Variants in FAM180B observed in about 807,000 individuals in gnomAD.
The protein encoded by FAM180B is protein FAM180B.
Under a neutral mutation model 13.6 loss-of-function variants are expected in FAM180B, and 14 were observed. The observed-to-expected ratio is 1.03, with a 90% confidence interval of 0.68 to 1.60. The LOEUF (loss-of-function observed/expected upper bound fraction) is 1.60. Ranked by LOEUF, FAM180B falls within the 40% of genes most tolerant of loss-of-function variation. The pLI is 0.00. For synonymous variants in FAM180B, 109 were observed against 97.0 expected, an observed-to-expected ratio of 1.12 and a Z score of -0.72; for missense variants, 212 against 230.4, an observed-to-expected ratio of 0.92 and a Z score of 0.52.
intron 1 of FAM180B, 88 bp downstream of exon 1, chr11:47,586,941 T>C (rs2097271912): frequency 3.4e-6 from 3 of 891,678 alleles, no homozygotes; most frequent in South Asian, 2.9e-5. Flanking sequence ...TAGTCGGGCA[T>C]AGAAGCGTGG....
chr11:47,588,021 A>G lies in FAM180B; in HGVS notation c.157-18A>G. ...CTCCCCAGGCCACAGCCCACCCCTT[A>G]CATGGCTCCCCTTGCAGCTGCTCTG... On this transcript the variant is annotated intron_variant, in intron 2 of 2. Coordinates refer to ENST00000538490, the MANE Select transcript of FAM180B (RefSeq NM_001164379.3). 1 of 1,518,016 alleles carries G rather than the reference A, an allele frequency of 6.6e-7. No individual in the cohort carries two copies. The highest frequency in any genetic ancestry group is 8.8e-7 in the Non-Finnish European group (1 of 1,136,742). The allele number at this position is 1,518,016 out of a possible 1,614,324, so 94.0% of individuals were successfully genotyped here.
Position 47,588,317 on chromosome 11 carries a change from C to A in FAM180B, c.435C>A (p.Ala145=). 6.5e-7 allele frequency: 1 copy of A among 1,537,130 alleles called. No individual in the cohort carries two copies. The highest frequency in any genetic ancestry group is 2.0e-5 in the Admixed American group (1 of 50,974). Residue 145 remains alanine (A), a synonymous_variant, in exon 3 of 3, where the codon GCC becomes GCA. Coordinates refer to ENST00000538490, the MANE Select transcript of FAM180B (RefSeq NM_001164379.3). The stretch of plus-strand genomic sequence containing the variant: ...AGGCTGAGGAACGGGGCCGCTGGGC[C>A]CAGGTCTTCGCTCTCCTGGCACAGG... ...ASEAEERGRW[A]QVFALLAQET...
In FAM180B at chr11:47,586,782, T is replaced by G. The variant is rs976422450; in HGVS notation, c.14T>G (p.Leu5Arg). Reference sequence around the variant, plus strand: ...ACGTGGTTGAGCATGGCTGCGACCCTGCAGTTCCTGGTTTGCCTGGTGGTA... The same window carrying G: ...ACGTGGTTGAGCATGGCTGCGACCCGGCAGTTCCTGGTTTGCCTGGTGGTA... MAAT[L>R]QFLVCLVVAI... is the part of the protein sequence containing the mutation. The change falls in exon 1 of 3, where the codon CTG becomes CGG. Residue 5 changes from leucine (L) to arginine (R), a missense_variant. By Grantham distance (102) the Leu-to-Arg change is moderately radical (BLOSUM62 -2). Coordinates refer to ENST00000538490, the MANE Select transcript of FAM180B (RefSeq NM_001164379.3). 6 of 1,537,020 alleles carry G rather than the reference T, an allele frequency of 3.9e-6. No individual in the cohort carries two copies. The African/African-American group carries it at 6.8e-5, about 18-fold the overall frequency.
At position 47,586,745 on chromosome 11, in the gene FAM180B, G is replaced by A; in HGVS notation, c.-24G>A. On this transcript the variant is annotated 5_prime_UTR_variant, in exon 1 of 3. Transcript: ENST00000538490. ...GGAGCAGAGAACTGCTGAACAGAGT[G>A]AGACTCAGAGGACGTGGTTGAGCAT... 6.6e-6 allele frequency: 10 copies of A among 1,526,060 alleles called. No homozygotes were observed. Among genetic ancestry groups the A allele is most frequent in the African/African-American group, 1.4e-5 (1 of 72,968 alleles). 94.5% of individuals were successfully genotyped at this position (1,526,060 alleles called of 1,614,324 possible).
At chr11:47,586,675 C>G, upstream of FAM180B, 1 of 896,780 alleles carries the variant, frequency 1.1e-6, no homozygotes. Flanking sequence ...TCTGGAGCAG[C>G]CCGCAGTGGA....
chr11:47,588,281 C>T lies in FAM180B; in HGVS notation c.399C>T (p.His133=), dbSNP rs772713757. 36 of 1,537,150 alleles carry T rather than the reference C, an allele frequency of 2.3e-5. No homozygotes were observed. The East Asian group carries it at 6.8e-4, about 29-fold the overall frequency. ...LTGLSCVYRL[H]AASEAEERGR... is the part of the protein sequence containing the mutation. ...GCCTGTCCTGCGTCTACCGGCTCCACGCAGCTAGTGAGGCTGAGGAACGGG... is the reference window on the plus strand; with the variant it reads ...GCCTGTCCTGCGTCTACCGGCTCCATGCAGCTAGTGAGGCTGAGGAACGGG... The change falls in exon 3 of 3, where the codon CAC becomes CAT. Residue 133 remains histidine, a synonymous_variant. Coordinates refer to ENST00000538490, the MANE Select transcript of FAM180B (RefSeq NM_001164379.3).
chr11:47,587,425 A>G (rs924682024), intron 1 of FAM180B, among the ~76,000 whole-genome samples: 1 of 152,160 alleles, frequency 6.6e-6, no homozygotes, highest in East Asian at 1.9e-4. Context: ...GAGGGTGGGG[A>G]AGGGTCTTGT....
rs573570886 is a variant in FAM180B at position 47,586,933 on chromosome 11, G to C, written c.85+80G>C. The stretch of plus-strand genomic sequence containing the variant: ...TAACAGTTGGCTCTATTTGAGGCTA[G>C]TCGGGCATAGAAGCGTGGGCATGGT... On this transcript the variant is annotated intron_variant, in intron 1 of 2. Transcript: ENST00000538490. 7.7e-5 allele frequency: 75 copies of C among 978,288 alleles called. 1 individual carries two copies. In the African/African-American group the frequency reaches 9.9e-4, roughly 13 times the overall value. 60.6% of individuals were successfully genotyped at this position (978,288 alleles called of 1,614,324 possible).
At position 47,588,119 on chromosome 11, in the gene FAM180B, C is replaced by T. The variant is rs1437045625; in HGVS notation, c.237C>T (p.Gly79=). 8 of 1,537,090 alleles carry T rather than the reference C, an allele frequency of 5.2e-6. No individual in the cohort carries two copies. The East Asian group carries it at 2.0e-4, about 38-fold the overall frequency. Reference sequence around the variant, plus strand: ...AGGAACTAGCGTCCACACACCCAGGCCGCCGACTCAGACTCCTCCTGCAGC... The same window carrying T: ...AGGAACTAGCGTCCACACACCCAGGTCGCCGACTCAGACTCCTCCTGCAGC... ...QDEELASTHP[G]RRLRLLLQHH... The change falls in exon 3 of 3, where the codon GGC becomes GGT. Residue 79 remains glycine, a synonymous_variant. Transcript: ENST00000538490.
At position 47,588,193 on chromosome 11, in the gene FAM180B, T is replaced by C. The variant is rs1460999776; in HGVS notation, c.311T>C (p.Leu104Pro). ...LEGTEQWLQQ[L>P]QDLRKGPPLS... ...GGCACTGAGCAGTGGCTGCAGCAGC[T>C]CCAGGACCTGCGGAAGGGGCCTCCT... The change falls in exon 3 of 3, where the codon CTC becomes CCC. Residue 104 changes from leucine to proline, a missense_variant. Physicochemically the swap from Leu to Pro is moderately conservative, Grantham distance 98 (BLOSUM62 -3). Coordinates refer to ENST00000538490, the MANE Select transcript of FAM180B (RefSeq NM_001164379.3). 2.0e-6 allele frequency: 3 copies of C among 1,537,114 alleles called. No homozygotes were observed. The highest frequency in any genetic ancestry group is 1.4e-5 in the African/African-American group (1 of 73,134).
Position 47,588,543 on chromosome 11 carries a change from C to T in FAM180B, c.*109C>T, listed in dbSNP as rs750889226. 1.4e-4 allele frequency: 85 copies of T among 613,240 alleles called. No homozygotes were observed. The highest frequency in any genetic ancestry group is 2.1e-4 in the Non-Finnish European group (75 of 352,696). 38.0% of individuals were successfully genotyped at this position (613,240 alleles called of 1,614,324 possible). ...CTTCTGTCTGGCATCTGATTCTTTT[C>T]ACCGTGTTCAGATCTCTGGGCTTGG... On this transcript the variant is annotated 3_prime_UTR_variant, in exon 3 of 3. Transcript: ENST00000538490.
Position 47,588,431 on chromosome 11 carries a change from CT to C in FAM180B, c.550del (p.Ter184AspfsTer115). The part of the protein sequence containing the change: ...SWASILDPFP[*>X] The stretch of plus-strand genomic sequence containing the variant: ...GGGCCTCCATCCTTGACCCCTTCCC[CT>C]GACCCTCCTCTTTTGTTCTTTCACC... On this transcript the variant is annotated frameshift_variant and stop_lost, in exon 3 of 3. Coordinates refer to ENST00000538490, the MANE Select transcript of FAM180B (RefSeq NM_001164379.3). LOFTEE classifies it high-confidence loss of function. The C allele has an allele frequency of 6.7e-7, 1 of 1,482,104 alleles. No individual in the cohort carries two copies. Among genetic ancestry groups the C allele is most frequent in the South Asian group, 1.3e-5 (1 of 77,350 alleles). The allele number at this position is 1,482,104 out of a possible 1,614,324, so 91.8% of individuals were successfully genotyped here.
rs1167051904 is a variant in FAM180B, at chr11:47,588,114, C to T, written c.232C>T (p.Pro78Ser). The change falls in exon 3 of 3, where the codon CCA becomes TCA. Residue 78 changes from proline to serine, a missense_variant. Pro to Ser is a moderately conservative substitution (Grantham distance 74). Coordinates refer to ENST00000538490, the MANE Select transcript of FAM180B (RefSeq NM_001164379.3). ...GGATGAGGAACTAGCGTCCACACAC[C>T]CAGGCCGCCGACTCAGACTCCTCCT... ...IQDEELASTHPGRRLRLLLQH... is the reference protein window; with the variant it reads ...IQDEELASTHSGRRLRLLLQH... 24 of 1,537,062 alleles carry T rather than the reference C, an allele frequency of 1.6e-5. No homozygotes were observed. Among genetic ancestry groups the T allele is most frequent in the East Asian group, 2.4e-5 (1 of 40,920 alleles).
chr11:47,588,719 AGTGTGT>A lies in FAM180B; in HGVS notation c.*317_*322del, dbSNP rs58699057. On this transcript the variant is annotated 3_prime_UTR_variant, in exon 3 of 3. Coordinates refer to ENST00000538490, the MANE Select transcript of FAM180B (RefSeq NM_001164379.3). Reference sequence around the variant, plus strand: ...ACGACTTGCAGGCAGTGTGTGTGTGAGTGTGTGTGTGTGTGTGTGTGTGTGTGTGTG... The same window carrying A: ...ACGACTTGCAGGCAGTGTGTGTGTGAGTGTGTGTGTGTGTGTGTGTGTGTG... 0.012 allele frequency: 2,471 copies of A among 213,720 alleles called. 179 individuals carry two copies. Among genetic ancestry groups the A allele is most frequent in the South Asian group, 0.012 (121 of 9,852 alleles). The allele number at this position is 213,720 out of a possible 1,614,324, so 13.2% of individuals were successfully genotyped here.
Position 47,588,511 on chromosome 11 carries a change from G to A in FAM180B, c.*77G>A, listed in dbSNP as rs569599780. 3.4e-5 allele frequency: 23 copies of A among 685,842 alleles called. No individual in the cohort carries two copies. The East Asian group carries it at 5.2e-4, about 16-fold the overall frequency. 42.5% of individuals were successfully genotyped at this position (685,842 alleles called of 1,614,324 possible). On this transcript the variant is annotated 3_prime_UTR_variant, in exon 3 of 3. Transcript: ENST00000538490. The stretch of plus-strand genomic sequence containing the variant: ...AACCCCCCAGGCAGACCCATCTTGC[G>A]CAGGGGCTTCTGTCTGGCATCTGAT...
In FAM180B at chr11:47,588,462, A is replaced by G; in HGVS notation, c.*28A>G. 3 of 1,354,782 alleles carry G rather than the reference A, an allele frequency of 2.2e-6. No homozygotes were observed. Among genetic ancestry groups the G allele is most frequent in the Non-Finnish European group, 3.0e-6 (3 of 1,011,564 alleles). 83.9% of individuals were successfully genotyped at this position (1,354,782 alleles called of 1,614,324 possible). ...CTCCTCTTTTGTTCTTTCACCTGCC[A>G]TTACCCCCTCCCATCTCCTCCTCAA... On this transcript the variant is annotated 3_prime_UTR_variant, in exon 3 of 3. Coordinates refer to ENST00000538490, the MANE Select transcript of FAM180B (RefSeq NM_001164379.3).
chr11:47,587,360 A>C (rs915165627), intron 1 of FAM180B, among the ~76,000 whole-genome samples: 5 of 152,086 alleles, frequency 3.3e-5, no homozygotes, highest in African/African-American at 1.2e-4. Flanking sequence ...TCCTTGGGAG[A>C]GTCACTGGCA....
chr11:47,587,764 C>A lies in FAM180B; in HGVS notation c.99C>A (p.Asp33Glu). Reference protein sequence around the residue: ...TTQPHAGQPMDSTSVGGGLQE... With the variant: ...TTQPHAGQPMESTSVGGGLQE... ...CTGCTGCCCCAGGGCAGCCCATGGA[C>A]AGCACCAGCGTGGGAGGTGGCCTGC... is the stretch of plus-strand genomic sequence containing the variant. The change falls in exon 2 of 3, where the codon GAC becomes GAA. Residue 33 changes from aspartate (D) to glutamate (E), a missense_variant. Asp to Glu is a conservative substitution (Grantham distance 45). Coordinates refer to ENST00000538490, the MANE Select transcript of FAM180B (RefSeq NM_001164379.3). 6.5e-7 allele frequency: 1 copy of A among 1,532,378 alleles called. No individual in the cohort carries two copies. Among genetic ancestry groups the A allele is most frequent in the South Asian group, 1.2e-5 (1 of 83,250 alleles). The allele number at this position is 1,532,378 out of a possible 1,614,324, so 94.9% of individuals were successfully genotyped here. A position where few individuals can be genotyped will look rare whatever the true frequency, so the allele number is the denominator to read the frequency against.
In FAM180B at chr11:47,586,852, A is replaced by G; in HGVS notation, c.84A>G (p.Ala28=). The G allele has an allele frequency of 6.5e-7, 1 of 1,535,398 alleles. No homozygotes were observed. The highest frequency in any genetic ancestry group is 8.7e-7 in the Non-Finnish European group (1 of 1,145,204). ...GTGTGACTACAACCCAGCCCCATGC[A>G]GGTACCAGGCTTCAGGGTGGGTGGA... The part of the protein sequence containing the change: ...LSGVTTTQPH[A]GQPMDSTSVG... Residue 28 remains alanine, a splice_region_variant and synonymous_variant, in exon 1 of 3, where the codon GCA becomes GCG. Transcript: ENST00000538490.
Sources: gnomAD v4.1 joint callset for allele counts (sites outside exome capture counted in the v4.1 genomes callset) on GRCh38, gnomAD v4.1.1 for gene constraint, MANE v1.5 for transcripts, NCBI Gene and HGNC (gene_info 2026-07-23, HGNC 2026-07-21) for gene names.